The following NECTIN1 variants were observed in gnomAD, a reference collection of about 807,000 sequenced individuals.
NECTIN1 encodes nectin-1.
In NECTIN1, 23 loss-of-function variants were observed where a neutral mutation model predicts 48.0. The ratio of observed to expected loss-of-function variants is 0.48; its 90% confidence interval spans 0.34 to 0.68. The LOEUF is 0.68. NECTIN1 is among the 30% of genes least tolerant of loss of function. The pLI is 0.01. For synonymous variants in NECTIN1, 270 were observed against 288.9 expected, an observed-to-expected ratio of 0.93 and a Z score of 0.66; for missense variants, 591 against 709.9, an observed-to-expected ratio of 0.83 and a Z score of 1.90.
At chr11:119,653,306 C>T (rs1388576027) in intron 5 of NECTIN1, among the ~76,000 whole-genome samples, 7 of 152,234 alleles carry the variant, frequency 4.6e-5, no homozygotes, top group Admixed American at 6.5e-5. Context: ...CCTATCCTCT[C>T]GCTTCCTATG....
At chr11:119,691,635 TTG>T (rs1371915201) in intron 1 of NECTIN1, among the ~76,000 whole-genome samples, 1 of 152,192 alleles carries the variant, frequency 6.6e-6, no homozygotes, top group Non-Finnish European at 1.5e-5. Context: ...AGAGGCTTCC[TTG>T]TTTTTCCTGG....
Position 119,711,146 on chromosome 11 carries a change from T to C in NECTIN1, c.79+17329A>G, listed in dbSNP as rs147124392. 0.013 allele frequency among the ~76,000 whole-genome samples: 1,938 copies of C among 150,240 alleles called. 91 individuals carry two copies. In the East Asian group the frequency reaches 0.14, roughly 11 times the overall value. On this transcript the variant is annotated intron_variant, in intron 1 of 5. Coordinates refer to ENST00000264025, the MANE Select transcript of NECTIN1 (RefSeq NM_002855.5). ...GGCTCATGCCTGTAATCCCAGCACTTTGGGAGGCCAAGGCAGGTGGATTAC... is the reference window on the plus strand; with the variant it reads ...GGCTCATGCCTGTAATCCCAGCACTCTGGGAGGCCAAGGCAGGTGGATTAC...
chr11:119,666,945 A>G (rs1864780892), intron 5 of NECTIN1, among the ~76,000 whole-genome samples: 1 of 152,120 alleles, frequency 6.6e-6, no homozygotes, highest in South Asian at 2.1e-4. Flanking sequence ...ATCCAAGGTC[A>G]CGCGGCTGAG....
intron 5 of NECTIN1, among the ~76,000 whole-genome samples, chr11:119,654,673 G>A (rs1246102240): frequency 6.6e-6 from 1 of 151,850 alleles, no homozygotes; most frequent in African/African-American, 2.4e-5. Context: ...CCCAGTTCAA[G>A]CAATTCTCCT....
At chr11:119,675,401 G>A in intron 4 of NECTIN1, 91 bp from the exon 5 acceptor site, 3 of 1,356,282 alleles carry the variant, frequency 2.2e-6, no homozygotes, top group Non-Finnish European at 3.2e-6. Context: ...AGGCCCCCTA[G>A]CCTTTTGCTG....
Position 119,672,918 on chromosome 11 carries a change from C to A in NECTIN1, c.1003+2241G>T, listed in dbSNP as rs1262261666. Among the ~76,000 whole-genome samples, 1 of 152,186 alleles carries A rather than the reference C, an allele frequency of 6.6e-6. No individual in the cohort carries two copies. Among genetic ancestry groups the A allele is most frequent in the Non-Finnish European group, 1.5e-5 (1 of 68,036 alleles). Reference sequence around the variant, plus strand: ...CCAGCACACACGTGTTCTGCATATGCGTGTCCCTCCAGCACACCCCCTGCT... The same window carrying A: ...CCAGCACACACGTGTTCTGCATATGAGTGTCCCTCCAGCACACCCCCTGCT... On this transcript the variant is annotated intron_variant, in intron 5 of 5. Transcript: ENST00000264025. This position sits in a 1 kb window ranked among gnomAD's most constrained non-coding sequence, Gnocchi z 4.3.
At position 119,662,033 on chromosome 11, in the gene NECTIN1, C is replaced by A; in HGVS notation, c.*2714G>T. The A allele has an allele frequency of 2.0e-6, 2 of 985,178 alleles. No individual in the cohort carries two copies. The highest frequency in any genetic ancestry group is 2.4e-6 in the Non-Finnish European group (2 of 829,868). 61.0% of individuals were successfully genotyped at this position (985,178 alleles called of 1,614,324 possible). A position where few individuals can be genotyped will look rare whatever the true frequency, so the allele number is the denominator to read the frequency against. The stretch of plus-strand genomic sequence containing the variant: ...TTACACATTAGAACAATATCAAAAT[C>A]TGTAAGGAAACAGGGGCATGGGTGT... On this transcript the variant is annotated 3_prime_UTR_variant, in exon 6 of 6. Coordinates refer to ENST00000264025, the MANE Select transcript of NECTIN1 (RefSeq NM_002855.5). This position sits in a 1 kb window ranked among gnomAD's most constrained non-coding sequence, Gnocchi z 5.3.
intron 1 of NECTIN1, among the ~76,000 whole-genome samples, chr11:119,721,128 A>G (rs899407731): frequency 2.0e-5 from 3 of 152,180 alleles, no homozygotes; most frequent in Admixed American, 6.5e-5. Flanking sequence ...TGAGTGTGGG[A>G]GGCTGTTCTG....
At chr11:119,711,630 G>C (rs918975284) in intron 1 of NECTIN1, among the ~76,000 whole-genome samples, 22 of 152,268 alleles carry the variant, frequency 1.4e-4, no homozygotes, top group Middle Eastern at 3.4e-3. Flanking sequence ...TGGTGTCTGG[G>C]AGCCTCGCAT....
chr11:119,668,441 G>C (rs1008922495), intron 5 of NECTIN1, among the ~76,000 whole-genome samples: 3 of 152,160 alleles, frequency 2.0e-5, no homozygotes, highest in African/African-American at 7.2e-5. Context: ...GGCCTTCAAA[G>C]CTTCCATCAT....
chr11:119,648,945 G>A (rs562877361), intron 5 of NECTIN1, among the ~76,000 whole-genome samples: 1 of 152,328 alleles, frequency 6.6e-6, no homozygotes, highest in African/African-American at 2.4e-5. Flanking sequence ...GGGCAGGAGG[G>A]CATGGGTGGC....
chr11:119,649,174 A>T (rs559031415), intron 5 of NECTIN1, among the ~76,000 whole-genome samples: 1 of 152,264 alleles, frequency 6.6e-6, no homozygotes, highest in South Asian at 2.1e-4. Context: ...AGGTCAAGAG[A>T]TCGAGACTAT....
Position 119,665,106 on chromosome 11 carries a change from C to CT in NECTIN1, c.1194_1195insA (p.Gly399ArgfsTer39). On this transcript the variant is annotated frameshift_variant, in exon 6 of 6. Coordinates refer to ENST00000264025, the MANE Select transcript of NECTIN1 (RefSeq NM_002855.5). LOFTEE classifies it high-confidence loss of function. This position sits in a 1 kb window ranked among gnomAD's most constrained non-coding sequence, Gnocchi z 5.1. ...TGGGGGATGCCTGCCTTGCTGTAGC[C>CT]GTTGCCATACACGTGCTTCTTGGTG... 1 of 1,614,026 alleles carries CT rather than the reference C, an allele frequency of 6.2e-7. No homozygotes were observed. Among genetic ancestry groups the CT allele is most frequent in the Non-Finnish European group, 8.5e-7 (1 of 1,180,002 alleles).
In NECTIN1 at chr11:119,678,677, C is replaced by T. The variant is rs958459576; in HGVS notation, c.168G>A (p.Pro56=). ...CCTGGGTGATCTTCACGCTGGGAAG[C>T]GGGTTGGCAAAGCTGCAGTGCAGAA... ...DVVLHCSFAN[P]LPSVKITQVT... The change falls in exon 2 of 6, where the codon CCG becomes CCA. Residue 56 remains proline (P), a synonymous_variant. Transcript: ENST00000264025. This position sits in a 1 kb window ranked among gnomAD's most constrained non-coding sequence, Gnocchi z 4.4. 4.0e-5 allele frequency: 64 copies of T among 1,613,846 alleles called. No individual in the cohort carries two copies. The highest frequency in any genetic ancestry group is 1.1e-4 in the South Asian group (10 of 91,080).
rs369085319 is a variant in NECTIN1, at chr11:119,665,290, G to A, written c.1011C>T (p.Pro337=). The change falls in exon 6 of 6, where the codon CCC becomes CCT. Residue 337 remains proline (P), a synonymous_variant. Transcript: ENST00000264025. The surrounding 1 kb of genome is among the most constrained non-coding windows in gnomAD (Gnocchi z 5.1). ...CATGTTCGGGAGGAGACGGGGTGTAGGGGAATTCTGGGTGAGGAAAAGAGA... is the reference window on the plus strand; with the variant it reads ...CATGTTCGGGAGGAGACGGGGTGTAAGGGAATTCTGGGTGAGGAAAAGAGA... ...GQVEVNITEF[P]YTPSPPEHGR... is the part of the protein sequence containing the mutation. The A allele has an allele frequency of 3.2e-6, 5 of 1,586,624 alleles. No homozygotes were observed. In the African/African-American group the frequency reaches 5.4e-5, roughly 17 times the overall value.
At position 119,685,025 on chromosome 11, in the gene NECTIN1, T is replaced by A. The variant is rs189042421; in HGVS notation, c.80-6260A>T. 3.7e-4 allele frequency among the ~76,000 whole-genome samples: 57 copies of A among 152,250 alleles called. 2 individuals carry two copies. The East Asian group carries it at 7.5e-3, about 20-fold the overall frequency. Reference sequence around the variant, plus strand: ...CAGAAGTAGACCCAGCAGACCCAGTTCTTGTCCTGGTGCTCCAGCCACCTT... The same window carrying A: ...CAGAAGTAGACCCAGCAGACCCAGTACTTGTCCTGGTGCTCCAGCCACCTT... On this transcript the variant is annotated intron_variant, in intron 1 of 5. Coordinates refer to ENST00000264025, the MANE Select transcript of NECTIN1 (RefSeq NM_002855.5).
intron 1 of NECTIN1, among the ~76,000 whole-genome samples, chr11:119,691,971 G>A (rs571310917): frequency 5.9e-5 from 9 of 152,260 alleles, no homozygotes; most frequent in East Asian, 5.8e-4. Context: ...CTGCCCCGCC[G>A]GGCAGGGGCA....
At position 119,684,883 on chromosome 11, in the gene NECTIN1, G is replaced by A. The variant is rs891918252; in HGVS notation, c.80-6118C>T. 2.0e-5 allele frequency among the ~76,000 whole-genome samples: 3 copies of A among 152,208 alleles called. No homozygotes were observed. The highest frequency in any genetic ancestry group is 4.4e-5 in the Non-Finnish European group (3 of 68,034). ...CCCAGAGGGGCAGGGCTCTCACTGA[G>A]CTTGTCCTGTCTCATTTCCCCATTA... On this transcript the variant is annotated intron_variant, in intron 1 of 5. Transcript: ENST00000264025. This position sits in a 1 kb window ranked among gnomAD's most constrained non-coding sequence, Gnocchi z 5.2.
rs553010153 is a variant in NECTIN1 at position 119,721,399 on chromosome 11, G to T, written c.79+7076C>A. ...ACTCAGACTCCCAGTGGGACATTCT[G>T]GTGCCCAAGGCCACTGGCCTGTTTT... On this transcript the variant is annotated intron_variant, in intron 1 of 5. Transcript: ENST00000264025. Among the ~76,000 whole-genome samples the T allele has an allele frequency of 3.3e-5, 5 of 152,354 alleles. No homozygotes were observed. In the East Asian group the frequency reaches 9.6e-4, roughly 29 times the overall value.
Sources: gnomAD v4.1 joint callset for allele counts (sites outside exome capture counted in the v4.1 genomes callset) on GRCh38, gnomAD v4.1.1 for gene constraint, Gnocchi (gnomAD v3.1) non-coding constraint, MANE v1.5 for transcripts, NCBI Gene and HGNC (gene_info 2026-07-23, HGNC 2026-07-21) for gene names.